Variants in DISP2 observed in about 807,000 individuals in gnomAD.
DISP2 encodes dispatched RND transporter family member 2, also known as protein dispatched homolog 2.
DISP2 carries 59 observed loss-of-function variants against 95.5 expected under a neutral mutation model. The observed-to-expected ratio is 0.62, with a 90% CI of 0.50 to 0.77. The LOEUF is 0.77. Among genes scored for constraint, DISP2 ranks in the 30% least tolerant of loss-of-function variants. The pLI is 0.00. For missense variants in DISP2, 1,752 were observed against 1,854.6 expected, an observed-to-expected ratio of 0.94 and a Z score of 1.02; for synonymous variants, 827 against 815.0, an observed-to-expected ratio of 1.01 and a Z score of -0.25.
Position 40,358,251 on chromosome 15 carries a change from G to A in DISP2, c.-71G>A, listed in dbSNP as rs1451371217. The A allele has an allele frequency of 9.2e-7, 1 of 1,087,292 alleles. No homozygotes were observed. The highest frequency in any genetic ancestry group is 1.9e-5 in the African/African-American group (1 of 52,244). 67.4% of individuals were successfully genotyped at this position (1,087,292 alleles called of 1,614,324 possible). On this transcript the variant is annotated 5_prime_UTR_variant, in exon 1 of 8. Coordinates refer to ENST00000267889, the MANE Select transcript of DISP2 (RefSeq NM_033510.3). ...CGAGCACCCCGCCGCCGCTGCCGCC[G>A]CCACCGCCGCCGCCGCCGCCGCCGC...
intron 1 of DISP2, among the ~76,000 whole-genome samples, chr15:40,362,514 T>G (rs1295981664): frequency 2.6e-5 from 4 of 152,240 alleles, no homozygotes; most frequent in Non-Finnish European, 5.9e-5. Context: ...ACTGGCGATA[T>G]GGAGATGAAC....
In DISP2 at chr15:40,369,624, G is replaced by C. The variant is rs149742212; in HGVS notation, c.3512G>C (p.Arg1171Pro). 1.2e-6 allele frequency: 2 copies of C among 1,611,576 alleles called. No individual in the cohort carries two copies. The highest frequency in any genetic ancestry group is 2.2e-5 in the East Asian group (1 of 44,882). Residue 1171 changes from arginine to proline, a missense_variant, in exon 8 of 8, where the codon CGT becomes CCT. Arg to Pro is a moderately radical substitution (Grantham distance 103). Around this residue, in one of 5 missense-constraint regions of DISP2, gnomAD observed 347 missense variants for 344.2 expected, o/e 1.01. Coordinates refer to ENST00000267889, the MANE Select transcript of DISP2 (RefSeq NM_033510.3). ...TATGAGCTACAGCCCCTGGCACGGC[G>C]TCGGAGCCCCAGCTTTGACACCAGC... ...EQYELQPLAR[R>P]RSPSFDTSTA...
chr15:40,365,379 G>T (rs1595726368), intron 6 of DISP2, 105 bp downstream of exon 6: 1 of 1,508,126 alleles, frequency 6.6e-7, no homozygotes, highest in Non-Finnish European at 8.9e-7. Flanking sequence ...AGGGAAGGTG[G>T]CCAGCTGGCC....
In DISP2 at chr15:40,374,826, GT is replaced by G; in HGVS notation, c.*4511del. ...GGGTTTCATTGTGTTAGCCAGGATG[GT>G]TTCGATCTCCTGACCTTGTGATCCG... On this transcript the variant is annotated 3_prime_UTR_variant, in exon 8 of 8. Coordinates refer to ENST00000267889, the MANE Select transcript of DISP2 (RefSeq NM_033510.3). 1 of 152,154 alleles carries G rather than the reference GT, an allele frequency of 6.6e-6. No homozygotes were observed. Among genetic ancestry groups the G allele is most frequent in the South Asian group, 2.1e-4 (1 of 4,822 alleles). The allele number at this position is 152,154 out of a possible 1,614,324, so 9.4% of individuals were successfully genotyped here. A position where few individuals can be genotyped will look rare whatever the true frequency, so the allele number is the denominator to read the frequency against.
At position 40,367,438 on chromosome 15, in the gene DISP2, C is replaced by G; in HGVS notation, c.1326C>G (p.Thr442=). 4 of 1,613,648 alleles carry G rather than the reference C, an allele frequency of 2.5e-6. No homozygotes were observed. The highest frequency in any genetic ancestry group is 1.6e-4 in the Middle Eastern group (1 of 6,062). ...SLKYSLLFLP[T]PKGASLMDIY... ...AGTACAGCCTGCTCTTCCTGCCCAC[C>G]CCAAAGGGTGCTTCCCTCATGGACA... Residue 442 remains threonine, a synonymous_variant, in exon 8 of 8, where the codon ACC becomes ACG. Transcript: ENST00000267889.
intron 1 of DISP2, 49 bp downstream of exon 1, chr15:40,358,489 T>TCCCCCCCCCCCC: frequency 2.7e-6 from 3 of 1,110,764 alleles, no homozygotes; most frequent in Non-Finnish European, 2.2e-6. Flanking sequence ...TCCCAGACCC[T>TCCCCCCCCCCCC]CCCCGCCCCA....
chr15:40,366,368 T>C (rs1040818282), intron 7 of DISP2, among the ~76,000 whole-genome samples: 1 of 152,226 alleles, frequency 6.6e-6, no homozygotes, highest in African/African-American at 2.4e-5. Flanking sequence ...ACAGGGATGT[T>C]GTGACAGTTA....
Position 40,368,726 on chromosome 15 carries a change from C to T in DISP2, c.2614C>T (p.Leu872=), listed in dbSNP as rs776595101. 4.3e-6 allele frequency: 7 copies of T among 1,613,590 alleles called. No homozygotes were observed. In the South Asian group the frequency reaches 4.4e-5, roughly 10 times the overall value. Residue 872 remains leucine (L), a synonymous_variant, in exon 8 of 8, where the codon CTG becomes TTG. Coordinates refer to ENST00000267889, the MANE Select transcript of DISP2 (RefSeq NM_033510.3). Reference sequence around the variant, plus strand: ...CTTCCCCTGGGCCCCCCAGTTTTTCCTGCACTGCCTGAAAATGATGGCTCT... The same window carrying T: ...CTTCCCCTGGGCCCCCCAGTTTTTCTTGCACTGCCTGAAAATGATGGCTCT... ...SDFPWAPQFF[L]HCLKMMALEQ...
Position 40,367,212 on chromosome 15 carries a change from T to C in DISP2, c.1100T>C (p.Leu367Pro). Reference sequence around the variant, plus strand: ...GCTGACGCAGCCCGCACACTGGCCCTGCTTCGGACCTGTGCCCTCTACTAC... The same window carrying C: ...GCTGACGCAGCCCGCACACTGGCCCCGCTTCGGACCTGTGCCCTCTACTAC... ...TQADAARTLALLRTCALYYHS... is the reference protein window; with the variant it reads ...TQADAARTLAPLRTCALYYHS... The change falls in exon 8 of 8, where the codon CTG (leucine) becomes CCG (proline). Residue 367 changes from leucine to proline, a missense_variant. By Grantham distance (98) the Leu-to-Pro change is moderately conservative. Transcript: ENST00000267889. The C allele has an allele frequency of 6.2e-7, 1 of 1,614,056 alleles. No homozygotes were observed. The highest frequency in any genetic ancestry group is 8.5e-7 in the Non-Finnish European group (1 of 1,180,010).
Position 40,370,220 on chromosome 15 carries a change from G to A in DISP2, c.4108G>A (p.Gly1370Arg), listed in dbSNP as rs748707092. Residue 1370 changes from glycine (G) to arginine (R), a missense_variant, in exon 8 of 8, where the codon GGG becomes AGG. Coordinates refer to ENST00000267889, the MANE Select transcript of DISP2 (RefSeq NM_033510.3). ...SLSWKGRGGP[G>R]DGSPVVLPNS... ...GTCCTGGAAGGGCCGAGGGGGGCCA[G>A]GGGATGGCAGCCCTGTGGTGCTGCC... 8 of 1,607,358 alleles carry A rather than the reference G, an allele frequency of 5.0e-6. No homozygotes were observed. The South Asian group carries it at 8.9e-5, about 18-fold the overall frequency.
In DISP2 at chr15:40,371,731, T is replaced by C. The variant is rs548192291; in HGVS notation, c.*1413T>C. ...AAGTTTTATCCCATGTGAGAGCTCA[T>C]GACACCAGGTGGCATCAACATGTTT... is the stretch of plus-strand genomic sequence containing the variant. On this transcript the variant is annotated 3_prime_UTR_variant, in exon 8 of 8. Coordinates refer to ENST00000267889, the MANE Select transcript of DISP2 (RefSeq NM_033510.3). 2.0e-5 allele frequency: 3 copies of C among 152,332 alleles called. No individual in the cohort carries two copies. Among genetic ancestry groups the C allele is most frequent in the African/African-American group, 7.2e-5 (3 of 41,562 alleles). The allele number at this position is 152,332 out of a possible 1,614,324, so 9.4% of individuals were successfully genotyped here. A position where few individuals can be genotyped will look rare whatever the true frequency, so the allele number is the denominator to read the frequency against.
intron 1 of DISP2, 30 bp downstream of exon 1, chr15:40,358,470 C>G (rs1054406782): frequency 2.2e-5 from 27 of 1,251,432 alleles, no homozygotes; most frequent in Non-Finnish European, 2.7e-5. Context: ...AGATCCGTAT[C>G]ACAGACCCTC....
At chr15:40,366,001 G>C (rs768515252) in intron 7 of DISP2, among the ~76,000 whole-genome samples, 2 of 152,254 alleles carry the variant, frequency 1.3e-5, no homozygotes, top group Non-Finnish European at 2.9e-5. Flanking sequence ...CCTCCAGAGC[G>C]GGTGAGGAGG....
Position 40,370,010 on chromosome 15 carries a change from C to G in DISP2, c.3898C>G (p.Leu1300Val), listed in dbSNP as rs1889609849. The change falls in exon 8 of 8, where the codon CTA becomes GTA. Residue 1300 changes from leucine (L) to valine (V), a missense_variant. Coordinates refer to ENST00000267889, the MANE Select transcript of DISP2 (RefSeq NM_033510.3). ...EGLSVSDETCLSTSEPSARVP... is the reference protein window; with the variant it reads ...EGLSVSDETCVSTSEPSARVP... Reference sequence around the variant, plus strand: ...GCTCAGCGTCTCTGATGAGACCTGCCTAAGCACCTCTGAGCCCAGTGCCCG... The same window carrying G: ...GCTCAGCGTCTCTGATGAGACCTGCGTAAGCACCTCTGAGCCCAGTGCCCG... The G allele has an allele frequency of 3.7e-6, 6 of 1,614,088 alleles. No individual in the cohort carries two copies. The East Asian group carries it at 1.3e-4, about 36-fold the overall frequency.
intron 7 of DISP2, among the ~76,000 whole-genome samples, chr15:40,366,693 A>G (rs1889501712): frequency 6.6e-6 from 1 of 151,832 alleles, no homozygotes; most frequent in Non-Finnish European, 1.5e-5. Context: ...TTTGGCCTCC[A>G]CTCTTCCCAT....
rs1344677200 is a variant in DISP2, at chr15:40,370,397, G to A, written c.*79G>A. On this transcript the variant is annotated 3_prime_UTR_variant, in exon 8 of 8. Coordinates refer to ENST00000267889, the MANE Select transcript of DISP2 (RefSeq NM_033510.3). ...CAAGGGCAGCAATAGGCTGGAGCCCGAAGGTATTTCTCCAGATCCACAGGG... is the reference window on the plus strand; with the variant it reads ...CAAGGGCAGCAATAGGCTGGAGCCCAAAGGTATTTCTCCAGATCCACAGGG... 24 of 1,498,056 alleles carry A rather than the reference G, an allele frequency of 1.6e-5. No individual in the cohort carries two copies. Among genetic ancestry groups the A allele is most frequent in the African/African-American group, 9.8e-5 (7 of 71,690 alleles). The allele number at this position is 1,498,056 out of a possible 1,614,324, so 92.8% of individuals were successfully genotyped here.
In DISP2 at chr15:40,368,810, C is replaced by T. The variant is rs781628419; in HGVS notation, c.2698C>T (p.Leu900=). 1 of 1,613,940 alleles carries T rather than the reference C, an allele frequency of 6.2e-7. No individual in the cohort carries two copies. Among genetic ancestry groups the T allele is most frequent in the Non-Finnish European group, 8.5e-7 (1 of 1,180,046 alleles). Residue 900 remains leucine (L), a synonymous_variant, in exon 8 of 8, where the codon CTG becomes TTG. Transcript: ENST00000267889. ...LGLRFDAHGS[L]AALVLQFQTN... ...ACTCCGCTTTGATGCCCATGGCAGCCTGGCCGCCCTGGTCCTACAATTCCA... is the reference window on the plus strand; with the variant it reads ...ACTCCGCTTTGATGCCCATGGCAGCTTGGCCGCCCTGGTCCTACAATTCCA...
intron 7 of DISP2, 140 bp downstream of exon 7, chr15:40,365,865 C>G (rs542568055): frequency 1.4e-5 from 12 of 845,206 alleles, no homozygotes; most frequent in Non-Finnish European, 1.7e-5. Flanking sequence ...ATTATTCCAA[C>G]CCTGCTGAGA....
intron 1 of DISP2, 41 bp downstream of exon 1, chr15:40,358,481 C>T (rs1889355670): frequency 8.2e-7 from 1 of 1,217,466 alleles, no homozygotes; most frequent in Non-Finnish European, 1.0e-6. Flanking sequence ...ACAGACCCTC[C>T]CAGACCCTCC....
Sources: allele counts gnomAD v4.1 joint callset (sites outside exome capture counted in the v4.1 genomes callset), GRCh38; gene constraint gnomAD v4.1.1; regional missense constraint gnomAD v4.1.1; transcripts MANE v1.5; gene names NCBI Gene and HGNC (gene_info 2026-07-23, HGNC 2026-07-21).